ITGA11: variants seen among roughly 807,000 people sequenced by gnomAD.
ITGA11 encodes integrin subunit alpha 11, also known as integrin alpha-11.
A neutral mutation model predicts 141.9 loss-of-function variants in ITGA11; 97 were observed. The observed-to-expected ratio is 0.68, with a 90% CI of 0.58 to 0.81. The LOEUF is 0.81. ITGA11 is among the 30% of genes least tolerant of loss of function. ITGA11 has a pLI of 0.00. For missense variants in ITGA11, 1,387 were observed against 1,559.2 expected (o/e 0.89, Z 1.86); for synonymous variants, 658 against 624.6 (o/e 1.05, Z -0.80).
chr15:68,424,769 C>T (rs1448252412), intron 1 of ITGA11, among the ~76,000 whole-genome samples: 1 of 152,246 alleles, frequency 6.6e-6, no homozygotes. Flanking sequence ...TTTTAAGTCC[C>T]AGCTTCTCAA....
intron 1 of ITGA11, among the ~76,000 whole-genome samples, chr15:68,424,889 C>A (rs1398445060): frequency 6.6e-6 from 1 of 152,220 alleles, no homozygotes; most frequent in Non-Finnish European, 1.5e-5. Flanking sequence ...TATCTTAATT[C>A]CATGGCTTAA....
At chr15:68,395,731 G>T (rs908371784) in intron 2 of ITGA11, among the ~76,000 whole-genome samples, 2 of 73,434 alleles carry the variant, frequency 2.7e-5, no homozygotes, top group Non-Finnish European at 5.2e-5. Flanking sequence ...GTTGGGGGGT[G>T]GGGGGCTGGG....
At chr15:68,311,944 C>T (rs1211343200) in intron 24 of ITGA11, among the ~76,000 whole-genome samples, 3 of 152,172 alleles carry the variant, frequency 2.0e-5, no homozygotes, top group Non-Finnish European at 4.4e-5. Context: ...GGCCCACCAC[C>T]ACCTATGAGC....
intron 7 of ITGA11, among the ~76,000 whole-genome samples, chr15:68,352,243 A>G (rs1894937979): frequency 6.8e-6 from 1 of 147,940 alleles, no homozygotes. Context: ...CCCAGGCTGG[A>G]GTGCGGTGGC....
At chr15:68,359,750 A>T (rs1193448531) in intron 5 of ITGA11, among the ~76,000 whole-genome samples, 4 of 137,216 alleles carry the variant, frequency 2.9e-5, no homozygotes, top group South Asian at 2.1e-4. Context: ...AACAAATATT[A>T]AAAAAACCCT....
At position 68,404,611 on chromosome 15, in the gene ITGA11, G is replaced by A. The variant is rs547538754; in HGVS notation, c.53-1582C>T. 3.4e-4 allele frequency among the ~76,000 whole-genome samples: 51 copies of A among 152,238 alleles called. No individual in the cohort carries two copies. In the East Asian group the frequency reaches 7.9e-3, roughly 24 times the overall value. ...CGTCCTCACTTGGCAGATGCACTTG[G>A]TGCAGTACCAGAGAGGTTAAGAGGA... On this transcript the variant is annotated intron_variant, in intron 1 of 29. Coordinates refer to ENST00000315757, the MANE Select transcript of ITGA11 (RefSeq NM_001004439.2).
At chr15:68,405,159 CTTTTTT>C (rs201537337) in intron 1 of ITGA11, among the ~76,000 whole-genome samples, 2 of 118,942 alleles carry the variant, frequency 1.7e-5, no homozygotes, top group Admixed American at 9.3e-5. Context: ...CACTGTCTCC[CTTTTTT>C]TTTTTTTTTT....
rs544063880 is a variant in ITGA11, at chr15:68,370,780, C to G, written c.165-1496G>C. ...TTTCTGGAGCTCTTTAGACCTTGCT[C>G]TTCCAGCAGCTTCCCACTGCCTGGT... is the stretch of plus-strand genomic sequence containing the variant. On this transcript the variant is annotated intron_variant, in intron 2 of 29. Transcript: ENST00000315757. Among the ~76,000 whole-genome samples, 161 of 152,334 alleles carry G rather than the reference C, an allele frequency of 1.1e-3. 2 individuals carry two copies. The highest frequency in any genetic ancestry group is 0.011 in the Admixed American group (161 of 15,304).
At chr15:68,372,061 CCA>C (rs1413118095) in intron 2 of ITGA11, among the ~76,000 whole-genome samples, 1 of 152,118 alleles carries the variant, frequency 6.6e-6, no homozygotes, top group Non-Finnish European at 1.5e-5. Context: ...TGACCCAGCC[CCA>C]CAGTTGGTTT....
chr15:68,354,709 C>G lies in ITGA11; in HGVS notation c.749+2442G>C, dbSNP rs997457595. On this transcript the variant is annotated intron_variant, in intron 7 of 29. Transcript: ENST00000315757. ...CTCCTGGCAGTTCTCCTTGGCCACT[C>G]CATGGGGGCCCCTCCCTCTCTCATC... is the stretch of plus-strand genomic sequence containing the variant. Among the ~76,000 whole-genome samples the G allele has an allele frequency of 3.9e-5, 6 of 152,246 alleles. No homozygotes were observed. The East Asian group carries it at 1.2e-3, about 29-fold the overall frequency.
At chr15:68,387,212 C>G (rs1896007263) in intron 2 of ITGA11, among the ~76,000 whole-genome samples, 1 of 152,062 alleles carries the variant, frequency 6.6e-6, no homozygotes, top group South Asian at 2.1e-4. Flanking sequence ...AGCAGATCGC[C>G]TCAAAAATAG....
intron 13 of ITGA11, 43 bp downstream of exon 13, chr15:68,332,295 T>TC: frequency 6.4e-7 from 1 of 1,570,920 alleles, no homozygotes; most frequent in Non-Finnish European, 8.6e-7. Context: ...AAAGCAGAGG[T>TC]TGGGGGCACC....
Position 68,375,350 on chromosome 15 carries a change from A to G in ITGA11, c.165-6066T>C, listed in dbSNP as rs530095468. Among the ~76,000 whole-genome samples, 81 of 152,338 alleles carry G rather than the reference A, an allele frequency of 5.3e-4. 1 individual carries two copies. The highest frequency in any genetic ancestry group is 3.9e-3 in the Admixed American group (60 of 15,306). The stretch of plus-strand genomic sequence containing the variant: ...GGAACAAAGGAGAGATTATTCCTTT[A>G]GTGAGGCCTTTCTCTCCCTCTCTCT... On this transcript the variant is annotated intron_variant, in intron 2 of 29. Coordinates refer to ENST00000315757, the MANE Select transcript of ITGA11 (RefSeq NM_001004439.2).
At chr15:68,347,651 C>A (rs376791252) in intron 10 of ITGA11, among the ~76,000 whole-genome samples, 4 of 152,120 alleles carry the variant, frequency 2.6e-5, no homozygotes, top group Non-Finnish European at 5.9e-5. Flanking sequence ...TTCCCTCTCA[C>A]GGAGCAGCTG....
In ITGA11 at chr15:68,302,315, A is replaced by G. The variant is rs1046531337; in HGVS notation, c.*744T>C. On this transcript the variant is annotated 3_prime_UTR_variant, in exon 30 of 30. Coordinates refer to ENST00000315757, the MANE Select transcript of ITGA11 (RefSeq NM_001004439.2). ...TGACCCGGGAGGGTTGGCAGCTGAG[A>G]GCAAGGGGCTGCAGCTGGTGGGGGA... 8.5e-5 allele frequency: 13 copies of G among 152,414 alleles called. No homozygotes were observed. Among genetic ancestry groups the G allele is most frequent in the African/African-American group, 2.9e-4 (12 of 41,418 alleles). The allele number at this position is 152,414 out of a possible 1,614,324, so 9.4% of individuals were successfully genotyped here.
intron 2 of ITGA11, among the ~76,000 whole-genome samples, chr15:68,397,004 T>A (rs1595890183): frequency 6.4e-4 from 2 of 3,118 alleles, no homozygotes; most frequent in African/African-American, 2.6e-3. Context: ...TAATATATAA[T>A]ATATATTACT....
intron 2 of ITGA11, among the ~76,000 whole-genome samples, chr15:68,371,263 G>T (rs1895580705): frequency 6.6e-6 from 1 of 152,310 alleles, no homozygotes; most frequent in East Asian, 1.9e-4. Flanking sequence ...TGGGCTCTAA[G>T]CTTACTTCTC....
intron 1 of ITGA11, among the ~76,000 whole-genome samples, chr15:68,405,456 T>C (rs1896626117): frequency 6.6e-6 from 1 of 152,060 alleles, no homozygotes; most frequent in Non-Finnish European, 1.5e-5. Flanking sequence ...GCCCACTCTA[T>C]CGTCACGATT....
chr15:68,401,284 A>T (rs1385410380), intron 2 of ITGA11, among the ~76,000 whole-genome samples: 1 of 152,116 alleles, frequency 6.6e-6, no homozygotes, highest in African/African-American at 2.4e-5. Flanking sequence ...AACCACTTTG[A>T]AACAAATGCC....
Sources: gnomAD v4.1 joint callset for allele counts (sites outside exome capture counted in the v4.1 genomes callset) on GRCh38, gnomAD v4.1.1 for gene constraint, MANE v1.5 for transcripts, NCBI Gene and HGNC (gene_info 2026-07-23, HGNC 2026-07-21) for gene names.